Variants in DRC7 observed in about 807,000 individuals in gnomAD.
DRC7 encodes the protein coiled-coil domain containing 135.
In DRC7, 80 loss-of-function variants were observed where a neutral mutation model predicts 104.4. That is an observed-to-expected ratio of 0.77 (90% CI 0.64 to 0.92). The LOEUF is 0.92. Ranked by LOEUF, DRC7 falls within the 40% of genes least tolerant of loss-of-function variation. The pLI is 0.00. For synonymous variants in DRC7, 405 were observed against 447.3 expected (o/e 0.91, Z 1.19); for missense variants, 1,034 against 1,141.1 (o/e 0.91, Z 1.35).
chr16:57,722,879 C>A (rs1227799540), intron 11 of DRC7, 38 bp downstream of exon 11: 2 of 1,612,690 alleles, frequency 1.2e-6, no homozygotes, highest in Admixed American at 3.3e-5. Context: ...CCAGGCCAGC[C>A]CAGGGGCGGG....
chr16:57,699,232 T>C (rs2048631869), intron 4 of DRC7, among the ~76,000 whole-genome samples: 1 of 152,122 alleles, frequency 6.6e-6, no homozygotes, highest in Non-Finnish European at 1.5e-5. Flanking sequence ...GCGGTGGTGG[T>C]CTGGAGACCC....
chr16:57,697,919 T>C lies in DRC7; in HGVS notation c.-31T>C, dbSNP rs747703789. On this transcript the variant is annotated 5_prime_UTR_variant, in exon 3 of 19. Coordinates refer to ENST00000360716, the MANE Select transcript of DRC7 (RefSeq NM_001289162.2). ...TACTTACCCTTCCCCACAGAGACAT[T>C]CCATCTCCAGACACCCAGAGACGCT... 32 of 1,603,010 alleles carry C rather than the reference T, an allele frequency of 2.0e-5. No homozygotes were observed. Among genetic ancestry groups the C allele is most frequent in the African/African-American group, 4.0e-5 (3 of 74,534 alleles).
chr16:57,726,588 G>T, intron 14 of DRC7: 1 of 557,342 alleles, frequency 1.8e-6, no homozygotes, highest in Admixed American at 3.1e-5. Flanking sequence ...CACTACCTCT[G>T]AGGGGCTAGC....
chr16:57,695,844 G>A (rs1441621758), intron 1 of DRC7, among the ~76,000 whole-genome samples: 2 of 152,212 alleles, frequency 1.3e-5, no homozygotes, highest in Non-Finnish European at 2.9e-5. Flanking sequence ...CAAAGCCAGG[G>A]TTTCCCCAAC....
At chr16:57,721,340 C>T (rs868306599) in intron 9 of DRC7, among the ~76,000 whole-genome samples, 4 of 152,238 alleles carry the variant, frequency 2.6e-5, no homozygotes, top group Non-Finnish European at 5.9e-5. Flanking sequence ...AGTTAAAGGA[C>T]TTGCCCAGGA....
chr16:57,726,177 G>T lies in DRC7; in HGVS notation c.1868G>T (p.Arg623Leu). The T allele has an allele frequency of 6.2e-7, 1 of 1,613,248 alleles. No individual in the cohort carries two copies. Among genetic ancestry groups the T allele is most frequent in the Non-Finnish European group, 8.5e-7 (1 of 1,180,020 alleles). The change falls in exon 14 of 19, where the codon CGT becomes CTT. Residue 623 changes from arginine to leucine, a missense_variant. By Grantham distance (102) the Arg-to-Leu change is moderately radical. Coordinates refer to ENST00000360716, the MANE Select transcript of DRC7 (RefSeq NM_001289162.2). The part of the protein sequence containing the change: ...EERIQLRYHC[R>L]EDHITASKRE... ...CGCATCCAGCTGCGCTACCACTGCCGTGAGGACCACATCACGGCCTCCAAG... is the reference window on the plus strand; with the variant it reads ...CGCATCCAGCTGCGCTACCACTGCCTTGAGGACCACATCACGGCCTCCAAG...
chr16:57,722,721 A>G lies in DRC7; in HGVS notation c.1288A>G (p.Thr430Ala). 1 of 1,613,546 alleles carries G rather than the reference A, an allele frequency of 6.2e-7. No individual in the cohort carries two copies. Among genetic ancestry groups the G allele is most frequent in the Non-Finnish European group, 8.5e-7 (1 of 1,179,956 alleles). The change falls in exon 11 of 19, where the codon ACC becomes GCC. Residue 430 changes from threonine to alanine, a missense_variant. Physicochemically the swap from Thr to Ala is moderately conservative, Grantham distance 58. Transcript: ENST00000360716. ...QIEISPEAFE[T>A]RCPNGKKVIQ... ...GCTGACTGTGTCCACAGCATTTGAG[A>G]CCCGCTGCCCGAACGGGAAGAAGGT...
chr16:57,729,923 T>G (rs1379863220), intron 17 of DRC7, among the ~76,000 whole-genome samples: 1 of 82,122 alleles, frequency 1.2e-5, no homozygotes, highest in Non-Finnish European at 2.3e-5. Context: ...GGTGGATGGA[T>G]GAGTGGGTGG....
In DRC7 at chr16:57,718,361, C is replaced by T; in HGVS notation, c.1092C>T (p.Asp364=). 6.2e-7 allele frequency: 1 copy of T among 1,613,982 alleles called. No homozygotes were observed. The highest frequency in any genetic ancestry group is 8.5e-7 in the Non-Finnish European group (1 of 1,179,908). The stretch of plus-strand genomic sequence containing the variant: ...ATCCCCAACAGGACTTGATCTTTGA[C>T]CTGGGTGACCCTGTGAGATGGGAGT... ...CWNCCKDLIF[D]LGDPVRWEYM... is the part of the protein sequence containing the mutation. Residue 364 remains aspartate (D), a synonymous_variant, in exon 9 of 19, where the codon GAC becomes GAT. Transcript: ENST00000360716.
Position 57,703,688 on chromosome 16 carries a change from G to A in DRC7, c.700-1188G>A, listed in dbSNP as rs142158036. Among the ~76,000 whole-genome samples, 530 of 152,294 alleles carry A rather than the reference G, an allele frequency of 3.5e-3. 4 individuals carry two copies. The highest frequency in any genetic ancestry group is 0.012 in the African/African-American group (500 of 41,568). On this transcript the variant is annotated intron_variant, in intron 6 of 18. Transcript: ENST00000360716. The stretch of plus-strand genomic sequence containing the variant: ...GCTTCAAAAGCCTCTGGCTGGGCAC[G>A]GTGGCTCATTTTGGGAGGCTGTAAT...
rs112406982 is a variant in DRC7, at chr16:57,726,356, C to G, written c.1974+73C>G. On this transcript the variant is annotated intron_variant, in intron 14 of 18. Transcript: ENST00000360716. Reference sequence around the variant, plus strand: ...GGGGCTCTCTGTCTTATTCCAGCCACTTGGGAGAACCAGGATGGGCGCTGG... The same window carrying G: ...GGGGCTCTCTGTCTTATTCCAGCCAGTTGGGAGAACCAGGATGGGCGCTGG... The G allele has an allele frequency of 2.0e-3, 2,582 of 1,319,292 alleles. 48 individuals are homozygous for G. The African/African-American group carries it at 0.031, about 16-fold the overall frequency. The allele number at this position is 1,319,292 out of a possible 1,614,324, so 81.7% of individuals were successfully genotyped here.
rs1165134092 is a variant in DRC7 at position 57,731,001 on chromosome 16, A to G, written c.2462A>G (p.Glu821Gly). The change falls in exon 18 of 19, where the codon GAA (glutamate) becomes GGA (glycine). Residue 821 changes from glutamate to glycine, a missense_variant. Glu to Gly is a moderately conservative substitution (Grantham distance 98). Transcript: ENST00000360716. ...ENQVTLTPED[E>G]DLYLSYCSQA... ...CAGGTGACGCTGACACCCGAGGATGAAGACCTGTACCTGAGTTACTGCTCT... is the reference window on the plus strand; with the variant it reads ...CAGGTGACGCTGACACCCGAGGATGGAGACCTGTACCTGAGTTACTGCTCT... 2 of 1,613,644 alleles carry G rather than the reference A, an allele frequency of 1.2e-6. No individual in the cohort carries two copies. Among genetic ancestry groups the G allele is most frequent in the South Asian group, 1.1e-5 (1 of 91,088 alleles).
chr16:57,724,618 A>G lies in DRC7; in HGVS notation c.1541A>G (p.His514Arg), dbSNP rs1473860898. Reference sequence around the variant, plus strand: ...CCAACTCCCGCTCCCCACCCAGTGCACTCGTACAAGTCCATGCAACCTGAG... The same window carrying G: ...CCAACTCCCGCTCCCCACCCAGTGCGCTCGTACAAGTCCATGCAACCTGAG... ...KPGHPQALRV[H>R]SYKSMQPEMD... Residue 514 changes from histidine to arginine, a missense_variant, in exon 13 of 19, where the codon CAC becomes CGC. Transcript: ENST00000360716. The G allele has an allele frequency of 6.2e-7, 1 of 1,607,626 alleles. No individual in the cohort carries two copies. The highest frequency in any genetic ancestry group is 2.2e-5 in the East Asian group (1 of 44,760).
rs138457653 is a variant in DRC7, at chr16:57,708,855, G to A, written c.1077+1177G>A. On this transcript the variant is annotated intron_variant, in intron 8 of 18. Coordinates refer to ENST00000360716, the MANE Select transcript of DRC7 (RefSeq NM_001289162.2). ...TAATGCAATTGATTTTTGGCTGAGTGTGGGGGCTCACACCTGTAATCCCAG... is the reference window on the plus strand; with the variant it reads ...TAATGCAATTGATTTTTGGCTGAGTATGGGGGCTCACACCTGTAATCCCAG... Among the ~76,000 whole-genome samples the A allele has an allele frequency of 2.0e-3, 310 of 152,298 alleles. 10 individuals carry two copies. The South Asian group carries it at 0.038, about 18-fold the overall frequency.
intron 9 of DRC7, 58 bp from the exon 10 acceptor site, chr16:57,721,609 A>C: frequency 7.3e-7 from 1 of 1,363,946 alleles, no homozygotes; most frequent in Non-Finnish European, 1.0e-6. Flanking sequence ...TTTGACCATA[A>C]CTTCTGCTTC....
In DRC7 at chr16:57,703,559, G is replaced by A. The variant is rs553487757; in HGVS notation, c.700-1317G>A. 1.9e-4 allele frequency among the ~76,000 whole-genome samples: 29 copies of A among 152,264 alleles called. No individual in the cohort carries two copies. In the East Asian group the frequency reaches 5.2e-3, roughly 27 times the overall value. Reference sequence around the variant, plus strand: ...CCAGGGACCCCAGGGTGGGTGCTCTGGTGGGAGAAGGGCGAGACAGAAGGG... The same window carrying A: ...CCAGGGACCCCAGGGTGGGTGCTCTAGTGGGAGAAGGGCGAGACAGAAGGG... On this transcript the variant is annotated intron_variant, in intron 6 of 18. Transcript: ENST00000360716.
intron 17 of DRC7, 114 bp from the exon 18 acceptor site, chr16:57,730,817 G>A (rs2049053283): frequency 8.7e-7 from 1 of 1,155,358 alleles, no homozygotes; most frequent in African/African-American, 1.5e-5. Context: ...TGTGAGTGGG[G>A]ACACTGGGGC....
chr16:57,714,778 A>G, intron 8 of DRC7: 1 of 435,038 alleles, frequency 2.3e-6, no homozygotes. Flanking sequence ...CTCTAATCTT[A>G]TGGCTGTCAA....
In DRC7 at chr16:57,722,698, T is replaced by G. The variant is rs764953938; in HGVS notation, c.1280-15T>G. 1 of 1,613,308 alleles carries G rather than the reference T, an allele frequency of 6.2e-7. No individual in the cohort carries two copies. The highest frequency in any genetic ancestry group is 8.5e-7 in the Non-Finnish European group (1 of 1,179,910). On this transcript the variant is annotated splice_polypyrimidine_tract_variant and intron_variant, in intron 10 of 18. Coordinates refer to ENST00000360716, the MANE Select transcript of DRC7 (RefSeq NM_001289162.2). The stretch of plus-strand genomic sequence containing the variant: ...CAAACTAGCAAGAAGAGACCACAGC[T>G]GACTGTGTCCACAGCATTTGAGACC...
Sources: gnomAD v4.1 joint callset for allele counts (sites outside exome capture counted in the v4.1 genomes callset) on GRCh38, gnomAD v4.1.1 for gene constraint, MANE v1.5 for transcripts, NCBI Gene and HGNC (gene_info 2026-07-23, HGNC 2026-07-21) for gene names.